The following CFAP206 variants were observed in gnomAD, a reference collection of about 807,000 sequenced individuals.
CFAP206 encodes cilia- and flagella-associated protein 206.
In CFAP206, 53 loss-of-function variants were observed where a neutral mutation model predicts 65.4. That is an observed-to-expected ratio of 0.81 (90% CI 0.65 to 1.02). The LOEUF (loss-of-function observed/expected upper bound fraction) is 1.02, where lower values mean the gene tolerates loss of function less well. CFAP206 is among the 50% of genes least tolerant of loss of function. The pLI is 0.00. For missense variants in CFAP206, 663 were observed against 753.2 expected (o/e 0.88, Z 1.40); for synonymous variants, 250 against 254.4 (o/e 0.98, Z 0.17).
chr6:87,448,484 T>C (rs974829230), intron 11 of CFAP206, among the ~76,000 whole-genome samples: 4 of 152,186 alleles, frequency 2.6e-5, no homozygotes, highest in Non-Finnish European at 5.9e-5. Context: ...TCACCTCAAA[T>C]GTTTACTACT....
rs368098938 is a variant in CFAP206 at position 87,418,330 on chromosome 6, C to T, written c.754C>T (p.Leu252Phe). The part of the protein sequence containing the change: ...AILEKAANDP[L>F]MRAELQPYML... ...CCTTGAGAAGGCAGCCAACGACCCA[C>T]TCATGAGGGCTGAACTTCAGCCATA... The change falls in exon 7 of 13, where the codon CTC becomes TTC. Residue 252 changes from leucine to phenylalanine, a missense_variant. Physicochemically the swap from Leu to Phe is conservative, Grantham distance 22. Transcript: ENST00000369562. 4 of 1,614,022 alleles carry T rather than the reference C, an allele frequency of 2.5e-6. No individual in the cohort carries two copies. In the African/African-American group the frequency reaches 4.0e-5, roughly 16 times the overall value.
At chr6:87,418,502 T>C (rs1292459612) in intron 7 of CFAP206, 86 bp downstream of exon 7, 7 of 1,174,540 alleles carry the variant, frequency 6.0e-6, no homozygotes, top group Admixed American at 5.5e-5. Context: ...AGGTCACTAA[T>C]TAAGGAGAAA....
Position 87,431,111 on chromosome 6 carries a change from TAATTC to T in CFAP206, c.1242_1246del (p.Gln415SerfsTer28). 6.2e-7 allele frequency: 1 copy of T among 1,614,038 alleles called. No individual in the cohort carries two copies. The stretch of plus-strand genomic sequence containing the variant: ...ACAACAGCAAATTTTGATAAACTGT[TAATTC>T]AATATCGGGGATTTTGTGCTTACAC... On this transcript the variant is annotated frameshift_variant, in exon 10 of 13. Transcript: ENST00000369562. LOFTEE classifies it high-confidence loss of function.
chr6:87,450,175 C>T (rs1768515798), intron 11 of CFAP206, among the ~76,000 whole-genome samples: 3 of 151,978 alleles, frequency 2.0e-5, no homozygotes, highest in Non-Finnish European at 4.4e-5. Context: ...TTCTATTAGT[C>T]TCTGTGTTTT....
chr6:87,452,280 T>C (rs1164670795), intron 11 of CFAP206, among the ~76,000 whole-genome samples: 2 of 152,162 alleles, frequency 1.3e-5, no homozygotes. Context: ...CCCCCTAATA[T>C]ACATAAGGCT....
chr6:87,453,966 A>T (rs138958294), intron 11 of CFAP206, among the ~76,000 whole-genome samples: 7 of 152,290 alleles, frequency 4.6e-5, no homozygotes, highest in Non-Finnish European at 1.0e-4. Flanking sequence ...TAAAAAAACA[A>T]GACCCAATGA....
chr6:87,448,566 A>G (rs573205370), intron 11 of CFAP206, among the ~76,000 whole-genome samples: 3 of 152,180 alleles, frequency 2.0e-5, no homozygotes, highest in Middle Eastern at 3.4e-3. Context: ...TTTGTTAACT[A>G]TAGTTGCCCT....
At chr6:87,441,348 A>C (rs1436126741) in intron 11 of CFAP206, 1 of 155,682 alleles carries the variant, frequency 6.4e-6, no homozygotes, top group African/African-American at 2.4e-5. Flanking sequence ...TGCATGAAAG[A>C]CTTCCACAAC....
At position 87,424,279 on chromosome 6, in the gene CFAP206, TA is replaced by T. The variant is rs777451480; in HGVS notation, c.841-2246del. 3.4e-4 allele frequency among the ~76,000 whole-genome samples: 52 copies of T among 152,238 alleles called. 1 individual carries two copies. Among genetic ancestry groups the T allele is most frequent in the Admixed American group, 2.0e-3 (31 of 15,302 alleles). On this transcript the variant is annotated intron_variant, in intron 7 of 12. Coordinates refer to ENST00000369562, the MANE Select transcript of CFAP206 (RefSeq NM_001031743.3). ...AGCACATAGTAAGAATAAATATAAT[TA>T]TTTTTTTTTATTTTTTTGGGACAGA...
chr6:87,461,213 A>G (rs1394512742), intron 12 of CFAP206, 48 bp downstream of exon 12: 3 of 1,328,762 alleles, frequency 2.3e-6, no homozygotes, highest in Non-Finnish European at 3.0e-6. Flanking sequence ...GGGAATTTTA[A>G]TCTATTGTTA....
At chr6:87,447,448 C>T (rs776671068) in intron 11 of CFAP206, among the ~76,000 whole-genome samples, 4 of 152,014 alleles carry the variant, frequency 2.6e-5, no homozygotes, top group Non-Finnish European at 4.4e-5. Flanking sequence ...TGGTTTTTGT[C>T]GTTTGTTCTG....
chr6:87,426,706 G>A, intron 8 of CFAP206, 61 bp downstream of exon 8: 2 of 1,248,110 alleles, frequency 1.6e-6, no homozygotes, highest in Non-Finnish European at 2.1e-6. Context: ...CTATAATATT[G>A]GATCGCAAGT....
chr6:87,411,841 C>G (rs1767740667), intron 3 of CFAP206, among the ~76,000 whole-genome samples: 1 of 152,144 alleles, frequency 6.6e-6, no homozygotes, highest in Non-Finnish European at 1.5e-5. Context: ...GGCTTTGTGT[C>G]TGGATTTTCT....
At chr6:87,433,114 T>A (rs528021856) in intron 10 of CFAP206, among the ~76,000 whole-genome samples, 2 of 152,328 alleles carry the variant, frequency 1.3e-5, no homozygotes, top group South Asian at 2.1e-4. Flanking sequence ...TTTGCACTCT[T>A]GGAAAAACTC....
chr6:87,413,559 C>T (rs901866116), intron 3 of CFAP206, among the ~76,000 whole-genome samples: 4 of 151,970 alleles, frequency 2.6e-5, no homozygotes, highest in Admixed American at 2.0e-4. Flanking sequence ...CAGGCTTCAC[C>T]ACTACACGCA....
rs1442827487 is a variant in CFAP206, at chr6:87,441,847, G to A, written c.1494+6794G>A. On this transcript the variant is annotated intron_variant, in intron 11 of 12. Coordinates refer to ENST00000369562, the MANE Select transcript of CFAP206 (RefSeq NM_001031743.3). ...AGAAGCTTTTCATTGAGCCAAATCC[G>A]ATGTCATCCCTAGCAAACTTCAACA... The A allele has an allele frequency of 1.4e-4, 38 of 281,442 alleles. 1 individual carries two copies. Among genetic ancestry groups the A allele is most frequent in the Middle Eastern group, 1.4e-3 (1 of 740 alleles). The allele number at this position is 281,442 out of a possible 1,614,324, so 17.4% of individuals were successfully genotyped here. A position where few individuals can be genotyped will look rare whatever the true frequency, so the allele number is the denominator to read the frequency against.
At chr6:87,413,763 G>C (rs1340367436) in intron 3 of CFAP206, 47 bp from the exon 4 acceptor site, 1 of 1,120,752 alleles carries the variant, frequency 8.9e-7, no homozygotes, top group African/African-American at 1.6e-5. Flanking sequence ...ATACTTGACT[G>C]TCTCAAAAAC....
chr6:87,411,575 G>A (rs9450677), intron 3 of CFAP206, among the ~76,000 whole-genome samples: 36,950 of 152,128 alleles, frequency 0.24, 5,084 homozygotes, highest in South Asian at 0.37. Flanking sequence ...TTACTTTTAA[G>A]TCATGAATTC....
chr6:87,457,196 C>T (rs957947254), intron 11 of CFAP206, among the ~76,000 whole-genome samples: 1 of 147,368 alleles, frequency 6.8e-6, no homozygotes, highest in African/African-American at 2.5e-5. Flanking sequence ...CACAAAGCAA[C>T]ATGTTAATGG....
Sources: gnomAD v4.1 joint callset for allele counts (sites outside exome capture counted in the v4.1 genomes callset) on GRCh38, gnomAD v4.1.1 for gene constraint, MANE v1.5 for transcripts, NCBI Gene and HGNC (gene_info 2026-07-23, HGNC 2026-07-21) for gene names.